TSPAN11: variants seen among roughly 807,000 people sequenced by gnomAD.
TSPAN11 encodes the protein tetraspanin 11, also known as tetraspanin-11.
Under a neutral mutation model 32.9 loss-of-function variants are expected in TSPAN11, and 29 were observed. That is an observed-to-expected ratio of 0.88 (90% CI 0.66 to 1.20). The LOEUF is 1.20. Among genes scored for constraint, TSPAN11 ranks in the 50% most tolerant of loss-of-function variants. The pLI is 0.00. For synonymous variants in TSPAN11, 140 were observed against 141.3 expected (o/e 0.99, Z 0.07); for missense variants, 283 against 329.1 (o/e 0.86, Z 1.08).
chr12:30,997,667 A>C (rs1939435904), downstream of TSPAN11, among the ~76,000 whole-genome samples: 1 of 152,164 alleles, frequency 6.6e-6, no homozygotes, highest in Admixed American at 6.5e-5. Context: ...TGAGAATTAC[A>C]ATTTGACATG....
intron 2 of TSPAN11, among the ~76,000 whole-genome samples, chr12:30,962,710 G>A (rs1169521521): frequency 1.3e-5 from 2 of 152,126 alleles, no homozygotes; most frequent in Non-Finnish European, 2.9e-5. Context: ...ACCACGCCCA[G>A]GACTCCTTGA....
chr12:30,949,437 AG>A (rs1346808530), intron 1 of TSPAN11, among the ~76,000 whole-genome samples: 1 of 152,130 alleles, frequency 6.6e-6, no homozygotes, highest in East Asian at 1.9e-4. Flanking sequence ...GGGAGGCAAA[AG>A]GCACTTCTTA....
chr12:30,932,416 G>C (rs530890055), intron 1 of TSPAN11, among the ~76,000 whole-genome samples: 135 of 152,264 alleles, frequency 8.9e-4, no homozygotes, highest in African/African-American at 3.1e-3. Context: ...CGTGTATTTT[G>C]TTCTTACCAG....
intron 1 of TSPAN11, among the ~76,000 whole-genome samples, chr12:30,928,086 C>A (rs935354914): frequency 6.6e-6 from 1 of 152,092 alleles, no homozygotes; most frequent in African/African-American, 2.4e-5. Flanking sequence ...CTATATTCAG[C>A]ATAGCAGGAA....
intron 3 of TSPAN11, among the ~76,000 whole-genome samples, chr12:30,976,110 T>G (rs1185649464): frequency 6.6e-6 from 1 of 152,106 alleles, no homozygotes; most frequent in African/African-American, 2.4e-5. Context: ...TGTGTAGCCA[T>G]GCTCTGTCTG....
In TSPAN11 at chr12:30,975,770, A is replaced by G. The variant is rs1938957785; in HGVS notation, c.277-2791A>G. On this transcript the variant is annotated intron_variant, in intron 3 of 7. Coordinates refer to ENST00000546076, the MANE Select transcript of TSPAN11 (RefSeq NM_001370302.1). This position sits in a 1 kb window ranked among gnomAD's most constrained non-coding sequence, Gnocchi z 4.5. ...GACTCACAGCTCACAGTGGTGGTGG[A>G]GAGAAGGAAGGTGGAGAGATGCCAG... Among the ~76,000 whole-genome samples, 1 of 150,816 alleles carries G rather than the reference A, an allele frequency of 6.6e-6. No homozygotes were observed. Among genetic ancestry groups the G allele is most frequent in the South Asian group, 2.1e-4 (1 of 4,796 alleles).
chr12:31,002,256 C>T, the TSPAN11 span, among the ~76,000 whole-genome samples: 1,089 of 152,238 alleles, frequency 7.2e-3, 12 homozygotes, highest in African/African-American at 0.025. This position sits in a 1 kb window ranked among gnomAD's most constrained non-coding sequence, Gnocchi z 4.8. Flanking sequence ...GACAATTTCA[C>T]GTGGACCTGG....
At chr12:31,006,859 AAT>A in the TSPAN11 span, among the ~76,000 whole-genome samples, 2 of 152,200 alleles carry the variant, frequency 1.3e-5, no homozygotes, top group Non-Finnish European at 2.9e-5. Context: ...TTGTAGTTTT[AAT>A]ATATGTTTCT....
the TSPAN11 span, among the ~76,000 whole-genome samples, chr12:31,009,895 T>G: frequency 6.6e-6 from 1 of 152,220 alleles, no homozygotes; most frequent in East Asian, 1.9e-4. Flanking sequence ...CAAAGCCCTT[T>G]CCAGCCCTAA....
At chr12:30,973,838 T>C (rs1406248398) in intron 3 of TSPAN11, among the ~76,000 whole-genome samples, 1 of 152,228 alleles carries the variant, frequency 6.6e-6, no homozygotes, top group African/African-American at 2.4e-5. Flanking sequence ...CAGAACCTTC[T>C]TGATGCTTCC....
the TSPAN11 span, among the ~76,000 whole-genome samples, chr12:31,014,537 C>T: frequency 6.6e-6 from 1 of 152,086 alleles, no homozygotes; most frequent in South Asian, 2.1e-4. Flanking sequence ...GACTATAGGG[C>T]TTTTGTTATT....
At chr12:30,929,436 C>A (rs551805722) in intron 1 of TSPAN11, among the ~76,000 whole-genome samples, 1 of 152,310 alleles carries the variant, frequency 6.6e-6, no homozygotes, top group East Asian at 1.9e-4. Context: ...GCTTACAACA[C>A]AGCAACAAGG....
chr12:30,965,675 C>T (rs73090201), intron 3 of TSPAN11, among the ~76,000 whole-genome samples: 28,705 of 152,190 alleles, frequency 0.19, 2,925 homozygotes, highest in African/African-American at 0.24. Flanking sequence ...GCAAGCGCTG[C>T]ACTTGACATT....
intron 7 of TSPAN11, among the ~76,000 whole-genome samples, chr12:30,987,595 T>G (rs574848522): frequency 6.7e-6 from 1 of 150,012 alleles, no homozygotes; most frequent in Non-Finnish European, 1.5e-5. Context: ...AGAGTGAGAC[T>G]CCGTCTCAAA....
In TSPAN11 at chr12:30,926,781, C is replaced by G. The variant is rs994913231; in HGVS notation, c.-27C>G. 1 of 349,782 alleles carries G rather than the reference C, an allele frequency of 2.9e-6. No homozygotes were observed. The highest frequency in any genetic ancestry group is 4.9e-6 in the Non-Finnish European group (1 of 204,580). The allele number at this position is 349,782 out of a possible 1,614,324, so 21.7% of individuals were successfully genotyped here. ...TAGGCGCAGCTCCCTTCGCCGCTTC[C>G]GGAGCCCCTGGCAGGGTAAGTGCAG... On this transcript the variant is annotated 5_prime_UTR_variant, in exon 1 of 8. Transcript: ENST00000546076.
chr12:30,961,292 C>T (rs1050330574), intron 2 of TSPAN11, among the ~76,000 whole-genome samples: 1 of 151,866 alleles, frequency 6.6e-6, no homozygotes, highest in Non-Finnish European at 1.5e-5. Flanking sequence ...TTGACAGAAG[C>T]TTGACTTCTG....
intron 1 of TSPAN11, among the ~76,000 whole-genome samples, chr12:30,944,194 T>C (rs765919080): frequency 1.3e-4 from 20 of 152,152 alleles, no homozygotes; most frequent in Non-Finnish European, 2.1e-4. Context: ...AATGACTAAG[T>C]CTAAATAACA....
At chr12:30,948,869 C>G (rs866899664) in intron 1 of TSPAN11, among the ~76,000 whole-genome samples, 47 of 152,218 alleles carry the variant, frequency 3.1e-4, no homozygotes, top group South Asian at 8.3e-4. Flanking sequence ...TTCCCAAACT[C>G]TCATGCTCTG....
At chr12:31,009,808 G>A in the TSPAN11 span, among the ~76,000 whole-genome samples, 14 of 152,148 alleles carry the variant, frequency 9.2e-5, no homozygotes, top group Non-Finnish European at 1.3e-4. Context: ...AACGGGCCGC[G>A]TCATCCTGGG....
Sources: allele counts gnomAD v4.1 joint callset (sites outside exome capture counted in the v4.1 genomes callset), GRCh38; gene constraint gnomAD v4.1.1; non-coding constraint Gnocchi (gnomAD v3.1); transcripts MANE v1.5; gene names NCBI Gene and HGNC (gene_info 2026-07-23, HGNC 2026-07-21).